Variants in ARPP19 observed in about 807,000 individuals in gnomAD.
The protein encoded by ARPP19 is cAMP-regulated phosphoprotein 19.
A neutral mutation model predicts 12.0 loss-of-function variants in ARPP19; 8 were observed. The observed-to-expected ratio is 0.67, with a 90% confidence interval of 0.39 to 1.21. ARPP19 has a LOEUF of 1.21. Ranked by LOEUF, ARPP19 falls within the 50% of genes most tolerant of loss-of-function variation. The probability of loss-of-function intolerance (pLI) is 0.01; values close to 1 mark genes in which losing one functional copy is unlikely to be tolerated. For missense variants in ARPP19, 102 were observed against 136.3 expected, an observed-to-expected ratio of 0.75 and a Z score of 1.25; for synonymous variants, 47 against 50.4, an observed-to-expected ratio of 0.93 and a Z score of 0.29.
chr15:52,567,574 G>A (rs1296867541), intron 1 of ARPP19, among the ~76,000 whole-genome samples: 1 of 152,126 alleles, frequency 6.6e-6, no homozygotes, highest in Non-Finnish European at 1.5e-5. Flanking sequence ...TAATAATACT[G>A]TTAAGATTGC....
At chr15:52,568,814 G>A (rs1377342190) in intron 1 of ARPP19, 34 bp downstream of exon 1, 2 of 1,530,568 alleles carry the variant, frequency 1.3e-6, no homozygotes, top group Non-Finnish European at 1.8e-6. Flanking sequence ...CCCGGCCTTG[G>A]GCAGGGCCCA....
chr15:52,561,570 A>G (rs1037340266), intron 1 of ARPP19, among the ~76,000 whole-genome samples: 2 of 152,194 alleles, frequency 1.3e-5, no homozygotes, highest in African/African-American at 4.8e-5. Flanking sequence ...TTGTTTAGTT[A>G]AGAATGCATG....
intron 1 of ARPP19, among the ~76,000 whole-genome samples, chr15:52,562,204 A>G (rs1479585357): frequency 1.3e-5 from 2 of 152,192 alleles, no homozygotes; most frequent in African/African-American, 4.8e-5. Flanking sequence ...AAAGTAGTTA[A>G]GATACTTGAT....
intron 1 of ARPP19, 164 bp from the exon 2 acceptor site, chr15:52,557,386 T>A: frequency 3.3e-6 from 2 of 598,224 alleles, no homozygotes; most frequent in East Asian, 2.9e-5. Flanking sequence ...CTATCTTGTT[T>A]TTCAAAAGAT....
rs554700057 is a variant in ARPP19 at position 52,563,164 on chromosome 15, G to A, written c.45+5684C>T. ...GCTGGGATTACAGGTGTGAGCCACC[G>A]TGAAGAAGTATTTTTTATGATTCAA... On this transcript the variant is annotated intron_variant, in intron 1 of 2. Transcript: ENST00000249822. Among the ~76,000 whole-genome samples, 4 of 152,220 alleles carry A rather than the reference G, an allele frequency of 2.6e-5. No homozygotes were observed. In the East Asian group the frequency reaches 5.8e-4, roughly 22 times the overall value.
At chr15:52,552,131 G>C in intron 2 of ARPP19, 27 bp from the exon 3 acceptor site, 1 of 1,433,606 alleles carries the variant, frequency 7.0e-7, no homozygotes, top group Non-Finnish European at 9.8e-7. Flanking sequence ...AAAAAATTCA[G>C]ATTAGAGCTT....
chr15:52,552,885 C>A (rs1384496665), intron 2 of ARPP19, among the ~76,000 whole-genome samples: 1 of 151,926 alleles, frequency 6.6e-6, no homozygotes, highest in African/African-American at 2.4e-5. Flanking sequence ...GAAACCAGAA[C>A]GGCCAATATG....
At chr15:52,568,717 TG>T in intron 1 of ARPP19, 130 bp downstream of exon 1, 1 of 554,390 alleles carries the variant, frequency 1.8e-6, no homozygotes, top group Non-Finnish European at 3.1e-6. Flanking sequence ...AAGCCAAAGG[TG>T]GGGCGCAGGA....
intron 1 of ARPP19, among the ~76,000 whole-genome samples, chr15:52,558,733 A>C (rs1211937913): frequency 2.0e-5 from 3 of 151,926 alleles, no homozygotes; most frequent in African/African-American, 7.2e-5. Context: ...AAAGAAAAAA[A>C]AACTTCATAA....
intron 1 of ARPP19, among the ~76,000 whole-genome samples, chr15:52,557,996 A>G (rs143331078): frequency 1.7e-3 from 266 of 152,300 alleles, no homozygotes; most frequent in Admixed American, 3.9e-3. Flanking sequence ...CAAACATCCT[A>G]TTCTTTAATA....
chr15:52,565,441 G>GT, intron 1 of ARPP19, among the ~76,000 whole-genome samples: 2 of 152,254 alleles, frequency 1.3e-5, no homozygotes, highest in Middle Eastern at 3.4e-3. Context: ...TAAATGTTTT[G>GT]TTTTCACTTC....
Position 52,561,240 on chromosome 15 carries a change from A to C in ARPP19, c.46-4018T>G, listed in dbSNP as rs2078029682. ...TTTACTTAAGCTAGAATGAAAACAA[A>C]GGGGAGATAAGCCAATAGTTATTTA... On this transcript the variant is annotated intron_variant, in intron 1 of 2. Transcript: ENST00000249822. Among the ~76,000 whole-genome samples the C allele has an allele frequency of 2.0e-5, 3 of 152,256 alleles. No homozygotes were observed. In the South Asian group the frequency reaches 6.2e-4, roughly 31 times the overall value.
At position 52,548,143 on chromosome 15, in the gene ARPP19, G is replaced by C. The variant is rs1382557159; in HGVS notation, c.*3791C>G. ...GTAGTTTGTTACCTGAGGCAACCTT[G>C]GTCCAAAAATATTATGTGGAAAATT... is the stretch of plus-strand genomic sequence containing the variant. On this transcript the variant is annotated 3_prime_UTR_variant, in exon 3 of 3. Coordinates refer to ENST00000249822, the MANE Select transcript of ARPP19 (RefSeq NM_006628.6). 1.3e-5 allele frequency: 2 copies of C among 152,136 alleles called. No homozygotes were observed. Among genetic ancestry groups the C allele is most frequent in the African/African-American group, 2.4e-5 (1 of 41,414 alleles). 9.4% of individuals were successfully genotyped at this position (152,136 alleles called of 1,614,324 possible).
intron 1 of ARPP19, among the ~76,000 whole-genome samples, chr15:52,559,293 A>G (rs2078011137): frequency 6.6e-6 from 1 of 152,156 alleles, no homozygotes; most frequent in African/African-American, 2.4e-5. Flanking sequence ...CAGAGAGGTA[A>G]GTGTGAGGTA....
At chr15:52,553,788 C>G (rs866290825) in intron 2 of ARPP19, among the ~76,000 whole-genome samples, 2 of 152,230 alleles carry the variant, frequency 1.3e-5, no homozygotes, top group East Asian at 1.9e-4. Flanking sequence ...TAGGAACTCA[C>G]AGCTTAGTAT....
Position 52,549,399 on chromosome 15 carries a change from C to T in ARPP19, c.*2535G>A, listed in dbSNP as rs2077908161. The T allele has an allele frequency of 6.6e-6, 1 of 152,448 alleles. No individual in the cohort carries two copies. Among genetic ancestry groups the T allele is most frequent in the Admixed American group, 6.6e-5 (1 of 15,248 alleles). The allele number at this position is 152,448 out of a possible 1,614,324, so 9.4% of individuals were successfully genotyped here. A position where few individuals can be genotyped will look rare whatever the true frequency, so the allele number is the denominator to read the frequency against. On this transcript the variant is annotated 3_prime_UTR_variant, in exon 3 of 3. Transcript: ENST00000249822. ...ATCTAAAACCTCTCTATCCCAAGCA[C>T]CAATAATGGAGGCTAAGCAATTATA...
At position 52,568,043 on chromosome 15, in the gene ARPP19, C is replaced by G. The variant is rs185951854; in HGVS notation, c.45+805G>C. On this transcript the variant is annotated intron_variant, in intron 1 of 2. Coordinates refer to ENST00000249822, the MANE Select transcript of ARPP19 (RefSeq NM_006628.6). ...TACAGTGGGAGAGACAAACACCAGCCTAGATAAATACAAAGGCTTGATATT... is the reference window on the plus strand; with the variant it reads ...TACAGTGGGAGAGACAAACACCAGCGTAGATAAATACAAAGGCTTGATATT... 4.0e-3 allele frequency among the ~76,000 whole-genome samples: 608 copies of G among 152,318 alleles called. 4 individuals carry two copies. Among genetic ancestry groups the G allele is most frequent in the African/African-American group, 0.014 (566 of 41,570 alleles).
chr15:52,564,553 T>C (rs2078064448), intron 1 of ARPP19, among the ~76,000 whole-genome samples: 1 of 152,210 alleles, frequency 6.6e-6, no homozygotes, highest in Non-Finnish European at 1.5e-5. Flanking sequence ...GGTTGATATA[T>C]TAAAATAATG....
chr15:52,560,935 T>C (rs758088079), intron 1 of ARPP19, among the ~76,000 whole-genome samples: 3 of 152,236 alleles, frequency 2.0e-5, no homozygotes, highest in Non-Finnish European at 4.4e-5. Flanking sequence ...GTACTCATCC[T>C]TGCAGGGTCA....
Sources: gnomAD v4.1 joint callset for allele counts (sites outside exome capture counted in the v4.1 genomes callset) on GRCh38, gnomAD v4.1.1 for gene constraint, MANE v1.5 for transcripts, NCBI Gene and HGNC (gene_info 2026-07-23, HGNC 2026-07-21) for gene names.